The following AGPAT3 variants were observed in gnomAD, a reference collection of about 807,000 sequenced individuals.
AGPAT3 encodes the protein 1-acylglycerol-3-phosphate O-acyltransferase 3.
In AGPAT3, 5 loss-of-function variants were observed where a neutral mutation model predicts 47.3. That is an observed-to-expected ratio of 0.11 (90% confidence interval 0.06 to 0.22). AGPAT3 has a LOEUF of 0.22. Ranked by LOEUF, AGPAT3 falls within the 10% of genes least tolerant of loss-of-function variation. The pLI, the probability that AGPAT3 is intolerant of heterozygous loss-of-function variation, is 1.00. For synonymous variants in AGPAT3, 212 were observed against 208.3 expected (o/e 1.02, Z -0.15); for missense variants, 315 against 493.0 (o/e 0.64, Z 3.42).
rs1039921774 is a variant in AGPAT3, at chr21:43,955,703, C to G, written c.-48-3931C>G. ...GGCGGATTACCTGAGGTCAGGAGAT[C>G]GAGGCCAGCCTGGCCAACATGGCGA... On this transcript the variant is annotated intron_variant, in intron 2 of 9. Coordinates refer to ENST00000291572, the MANE Select transcript of AGPAT3 (RefSeq NM_020132.5). The surrounding 1 kb of genome is among the most constrained non-coding windows in gnomAD (Gnocchi z 4.1). Among the ~76,000 whole-genome samples the G allele has an allele frequency of 6.6e-6, 1 of 151,916 alleles. No homozygotes were observed. Among genetic ancestry groups the G allele is most frequent in the Admixed American group, 6.5e-5 (1 of 15,276 alleles).
chr21:43,959,465 G>A (rs1601425611), intron 2 of AGPAT3, among the ~76,000 whole-genome samples, 169 bp from the exon 3 acceptor site: 1 of 142,770 alleles, frequency 7.0e-6, no homozygotes, highest in African/African-American at 2.5e-5. Flanking sequence ...TGTGTGGCAT[G>A]TGTGTGGTTT....
rs986886892 is a variant in AGPAT3 at position 43,933,373 on chromosome 21, A to G, written c.-48-26261A>G. Among the ~76,000 whole-genome samples, 2 of 152,086 alleles carry G rather than the reference A, an allele frequency of 1.3e-5. No individual in the cohort carries two copies. The highest frequency in any genetic ancestry group is 2.4e-5 in the African/African-American group (1 of 41,400). ...CCTGTCGTTCCCTTTGTCATGCAGA[A>G]GCTGTTTAGTTTGCCGTAATCCCAG... On this transcript the variant is annotated intron_variant, in intron 2 of 9. Coordinates refer to ENST00000291572, the MANE Select transcript of AGPAT3 (RefSeq NM_020132.5). This position sits in a 1 kb window ranked among gnomAD's most constrained non-coding sequence, Gnocchi z 6.0.
chr21:43,888,700 C>T (rs945278491), intron 1 of AGPAT3, among the ~76,000 whole-genome samples: 1 of 152,142 alleles, frequency 6.6e-6, no homozygotes, highest in African/African-American at 2.4e-5. Flanking sequence ...AAACATTAAA[C>T]AGAACATGGG....
chr21:43,964,482 G>A (rs569188214), intron 3 of AGPAT3, among the ~76,000 whole-genome samples: 50 of 152,026 alleles, frequency 3.3e-4, no homozygotes, highest in African/African-American at 1.2e-3. Flanking sequence ...AGGCGGGAGC[G>A]CCCAGCCCAG....
chr21:43,961,239 G>A (rs144856032), intron 3 of AGPAT3, among the ~76,000 whole-genome samples: 8 of 152,214 alleles, frequency 5.3e-5, no homozygotes, highest in African/African-American at 1.4e-4. Context: ...GGATTCTTAC[G>A]TTTTATTTCA....
chr21:43,966,534 T>A (rs2089138377), intron 3 of AGPAT3: 1 of 152,212 alleles, frequency 6.6e-6, no homozygotes. Flanking sequence ...CTGAGTTCCC[T>A]CTCTCCTTTC....
chr21:43,945,483 CTT>C (rs2087845303), intron 2 of AGPAT3, among the ~76,000 whole-genome samples: 1 of 152,190 alleles, frequency 6.6e-6, no homozygotes, highest in Admixed American at 6.5e-5. Context: ...GATTTTCTGA[CTT>C]TATATCTGGA....
At chr21:43,909,177 G>A (rs558137610) in intron 2 of AGPAT3, among the ~76,000 whole-genome samples, 18 of 152,218 alleles carry the variant, frequency 1.2e-4, no homozygotes, top group Admixed American at 3.9e-4. Flanking sequence ...CCATTGGGCC[G>A]ATCCTCTGAC....
At chr21:43,979,298 C>CAAAAAAA (rs540542305) in intron 8 of AGPAT3, among the ~76,000 whole-genome samples, 12 of 57,558 alleles carry the variant, frequency 2.1e-4, no homozygotes, top group Non-Finnish European at 2.6e-4. Flanking sequence ...GACTCCAACT[C>CAAAAAAA]AAAAAAAAAA....
At chr21:43,923,290 G>A (rs533875689) in intron 2 of AGPAT3, among the ~76,000 whole-genome samples, 162 of 152,262 alleles carry the variant, frequency 1.1e-3, no homozygotes, top group Non-Finnish European at 1.7e-3. Flanking sequence ...CTCGGGGACC[G>A]GGCAACGCCT....
chr21:43,938,131 C>T (rs1463355677), intron 2 of AGPAT3, among the ~76,000 whole-genome samples: 1 of 151,890 alleles, frequency 6.6e-6, no homozygotes, highest in Non-Finnish European at 1.5e-5. Flanking sequence ...CACACACACA[C>T]ACACACACAC....
intron 3 of AGPAT3, among the ~76,000 whole-genome samples, chr21:43,960,107 A>G (rs988602030): frequency 6.6e-6 from 1 of 152,194 alleles, no homozygotes; most frequent in Non-Finnish European, 1.5e-5. Flanking sequence ...ACCAGAGCAT[A>G]TGGGAATGTT....
rs759836461 is a variant in AGPAT3 at position 43,967,950 on chromosome 21, G to A, written c.183G>A (p.Leu61=). Reference sequence around the variant, plus strand: ...ACGCCCTCCCCCTGTCCGCAGAACTGGTCATGCTGCTGGAGTGGTGGTCCT... The same window carrying A: ...ACGCCCTCCCCCTGTCCGCAGAACTAGTCATGCTGCTGGAGTGGTGGTCCT... ...CRLAYSLWSQ[L]VMLLEWWSCT... The change falls in exon 4 of 10, where the codon CTG becomes CTA. Residue 61 remains leucine, a synonymous_variant. Transcript: ENST00000291572. 5 of 1,613,756 alleles carry A rather than the reference G, an allele frequency of 3.1e-6. No homozygotes were observed. In the South Asian group the frequency reaches 3.3e-5, roughly 11 times the overall value.
At chr21:43,944,932 C>T (rs2087818139) in intron 2 of AGPAT3, among the ~76,000 whole-genome samples, 2 of 152,248 alleles carry the variant, frequency 1.3e-5, no homozygotes, top group Admixed American at 1.3e-4. Flanking sequence ...CCCAGCCCGC[C>T]TGGAGACATC....
At chr21:43,980,531 C>A (rs1032198347) in intron 8 of AGPAT3, among the ~76,000 whole-genome samples, 1 of 152,214 alleles carries the variant, frequency 6.6e-6, no homozygotes, top group African/African-American at 2.4e-5. Context: ...GCTAGGAAAC[C>A]GAGGTATGCG....
At position 43,983,727 on chromosome 21, in the gene AGPAT3, A is replaced by T. The variant is rs2029953133; in HGVS notation, c.*1335A>T. On this transcript the variant is annotated 3_prime_UTR_variant, in exon 10 of 10. Transcript: ENST00000291572. ...GGGCAATGGCAGTGGTAGAACGCTC[A>T]ACTTGGTTGCGGTACCATCAGCCCA... The T allele has an allele frequency of 6.6e-6, 1 of 152,248 alleles. No individual in the cohort carries two copies. The highest frequency in any genetic ancestry group is 1.5e-5 in the Non-Finnish European group (1 of 68,036). 9.4% of individuals were successfully genotyped at this position (152,248 alleles called of 1,614,324 possible).
At chr21:43,900,386 A>ACAC (rs1178732093) in intron 1 of AGPAT3, among the ~76,000 whole-genome samples, 1 of 152,238 alleles carries the variant, frequency 6.6e-6, no homozygotes, top group Non-Finnish European at 1.5e-5. Flanking sequence ...CAGGCTTCAG[A>ACAC]CACTGGTGGC....
rs1219361708 is a variant in AGPAT3, at chr21:43,930,194, T to A, written c.-49+26175T>A. On this transcript the variant is annotated intron_variant, in intron 2 of 9. Coordinates refer to ENST00000291572, the MANE Select transcript of AGPAT3 (RefSeq NM_020132.5). The surrounding 1 kb of genome is among the most constrained non-coding windows in gnomAD (Gnocchi z 5.0). ...AAGGCAGAGAGAAGTTGGGTTCCCC[T>A]TCCACGGTTCCCTGCCCCCGGGGAC... 2.0e-5 allele frequency among the ~76,000 whole-genome samples: 3 copies of A among 152,210 alleles called. No individual in the cohort carries two copies. The highest frequency in any genetic ancestry group is 4.4e-5 in the Non-Finnish European group (3 of 68,018).
rs956094968 is a variant in AGPAT3 at position 43,954,435 on chromosome 21, G to A, written c.-48-5199G>A. ...AGCGCTCTGGTGGGGGCAGGCGGGC[G>A]GGAGAGGCCCCTGAGTTCCGCTAGC... On this transcript the variant is annotated intron_variant, in intron 2 of 9. Coordinates refer to ENST00000291572, the MANE Select transcript of AGPAT3 (RefSeq NM_020132.5). This position sits in a 1 kb window ranked among gnomAD's most constrained non-coding sequence, Gnocchi z 4.0. The A allele has an allele frequency of 3.9e-5, 6 of 152,382 alleles. No homozygotes were observed. Among genetic ancestry groups the A allele is most frequent in the Middle Eastern group, 3.1e-3 (1 of 320 alleles). 9.4% of individuals were successfully genotyped at this position (152,382 alleles called of 1,614,324 possible). A position where few individuals can be genotyped will look rare whatever the true frequency, so the allele number is the denominator to read the frequency against.
Sources: allele counts gnomAD v4.1 joint callset (sites outside exome capture counted in the v4.1 genomes callset), GRCh38; gene constraint gnomAD v4.1.1; non-coding constraint Gnocchi (gnomAD v3.1); transcripts MANE v1.5; gene names NCBI Gene and HGNC (gene_info 2026-07-23, HGNC 2026-07-21).